TBC1D30: variants seen among roughly 807,000 people sequenced by gnomAD.
TBC1D30 encodes TBC1 domain family member 30.
TBC1D30 carries 31 observed loss-of-function variants against 63.2 expected under a neutral mutation model. The observed-to-expected ratio is 0.49, with a 90% CI of 0.37 to 0.66. TBC1D30 has a LOEUF of 0.66. Among genes scored for constraint, TBC1D30 ranks in the 30% least tolerant of loss-of-function variants. The pLI is 0.00. For synonymous variants in TBC1D30, 307 were observed against 361.5 expected, an observed-to-expected ratio of 0.85 and a Z score of 1.71; for missense variants, 810 against 953.6, an observed-to-expected ratio of 0.85 and a Z score of 1.98.
At chr12:64,860,352 G>T (rs1041168858) in intron 8 of TBC1D30, among the ~76,000 whole-genome samples, 1 of 151,958 alleles carries the variant, frequency 6.6e-6, no homozygotes, top group Admixed American at 6.6e-5. Flanking sequence ...ATGGAATTTT[G>T]CCATGTTTCC....
Position 64,874,115 on chromosome 12 carries a change from G to A in TBC1D30, c.1499-886G>A, listed in dbSNP as rs369976880. Among the ~76,000 whole-genome samples, 204 of 152,306 alleles carry A rather than the reference G, an allele frequency of 1.3e-3. 1 individual carries two copies. The highest frequency in any genetic ancestry group is 4.6e-3 in the African/African-American group (192 of 41,554). On this transcript the variant is annotated intron_variant, in intron 11 of 11. Coordinates refer to ENST00000539867, the MANE Select transcript of TBC1D30 (RefSeq NM_015279.2). ...TTTTGTTCGTTTGTTTTGAGAAGGA[G>A]TCTCACTGTATTGCCCAGGCTGGAA...
upstream of TBC1D30, among the ~76,000 whole-genome samples, chr12:64,820,792 A>C (rs1440567007): frequency 6.6e-6 from 1 of 152,238 alleles, no homozygotes; most frequent in Non-Finnish European, 1.5e-5. Context: ...TCAACATAAT[A>C]CTAGGCTTGG....
chr12:64,862,966 C>G (rs1877917202), intron 8 of TBC1D30, among the ~76,000 whole-genome samples: 1 of 152,160 alleles, frequency 6.6e-6, no homozygotes, highest in African/African-American at 2.4e-5. Flanking sequence ...GATTTCACAT[C>G]TCTTGCCTTC....
intron 9 of TBC1D30, 45 bp downstream of exon 9, chr12:64,864,825 A>G: frequency 7.8e-7 from 1 of 1,288,884 alleles, no homozygotes; most frequent in Non-Finnish European, 1.1e-6. Flanking sequence ...GGAGGACTTA[A>G]TATCTTAATT....
chr12:64,845,945 T>C (rs577737943), intron 8 of TBC1D30, among the ~76,000 whole-genome samples: 18 of 152,314 alleles, frequency 1.2e-4, no homozygotes, highest in African/African-American at 4.3e-4. Context: ...ATTATAGGCG[T>C]GAGCCACCGT....
At position 64,864,693 on chromosome 12, in the gene TBC1D30, C is replaced by T. The variant is rs1229153313; in HGVS notation, c.1064C>T (p.Pro355Leu). 2.0e-6 allele frequency: 3 copies of T among 1,536,392 alleles called. No homozygotes were observed. In the African/African-American group the frequency reaches 4.1e-5, roughly 21 times the overall value. Reference sequence around the variant, plus strand: ...ACTGTTTATTCCATGGCTCCGTTCCCTTTCCCACAATTGGCAGAGTTGAGG... The same window carrying T: ...ACTGTTTATTCCATGGCTCCGTTCCTTTTCCCACAATTGGCAGAGTTGAGG... ...MQTVYSMAPF[P>L]FPQLAELREK... The change falls in exon 9 of 12, where the codon CCT (proline) becomes CTT (leucine). Residue 355 changes from proline (P) to leucine (L), a missense_variant. Coordinates refer to ENST00000539867, the MANE Select transcript of TBC1D30 (RefSeq NM_015279.2).
At chr12:64,860,388 T>C (rs997069024) in intron 8 of TBC1D30, among the ~76,000 whole-genome samples, 2 of 152,178 alleles carry the variant, frequency 1.3e-5, no homozygotes. Context: ...CTCCTGGGCC[T>C]CAGGCGAGGC....
chr12:64,771,427 A>G (rs1461668972), intron 1 of TBC1D30, among the ~76,000 whole-genome samples: 1 of 152,110 alleles, frequency 6.6e-6, no homozygotes, highest in Non-Finnish European at 1.5e-5. Context: ...GTTCTCCTGG[A>G]TCTACCAAGT....
Position 64,875,607 on chromosome 12 carries a change from G to A in TBC1D30, c.2105G>A (p.Ser702Asn). 6.5e-7 allele frequency: 1 copy of A among 1,536,234 alleles called. No individual in the cohort carries two copies. Among genetic ancestry groups the A allele is most frequent in the South Asian group, 1.2e-5 (1 of 84,060 alleles). ...GCCACCAGCAAAGCTCCCCAAGGCA[G>A]CAACTCAAAAACCCCCATCTTTAGC... The part of the protein sequence containing the change: ...NKATSKAPQG[S>N]NSKTPIFSPF... Residue 702 changes from serine to asparagine, a missense_variant, in exon 12 of 12, where the codon AGC (serine) becomes AAC (asparagine). Ser to Asn is a conservative substitution (Grantham distance 46). Around this residue, in one of 4 missense-constraint regions of TBC1D30, gnomAD observed 450 missense variants for 473.0 expected, o/e 0.95. Coordinates refer to ENST00000539867, the MANE Select transcript of TBC1D30 (RefSeq NM_015279.2).
intron 2 of TBC1D30, among the ~76,000 whole-genome samples, chr12:64,797,494 C>A (rs1207461675): frequency 6.6e-6 from 1 of 152,192 alleles, no homozygotes; most frequent in African/African-American, 2.4e-5. Context: ...CAAGTCTCTG[C>A]ACATTCTGTC....
chr12:64,809,706 T>G (rs1310698233), intron 2 of TBC1D30, among the ~76,000 whole-genome samples: 1 of 152,224 alleles, frequency 6.6e-6, no homozygotes, highest in Non-Finnish European at 1.5e-5. Flanking sequence ...TCATCTTGAT[T>G]TGTTTTTCTT....
chr12:64,760,789 A>C (rs1408105411), intron 1 of TBC1D30, among the ~76,000 whole-genome samples: 1 of 151,970 alleles, frequency 6.6e-6, no homozygotes, highest in Non-Finnish European at 1.5e-5. Flanking sequence ...TAATGATGGA[A>C]ACACGTTGAA....
upstream of TBC1D30, among the ~76,000 whole-genome samples, chr12:64,822,553 A>G (rs533412630): frequency 3.3e-5 from 5 of 152,144 alleles, no homozygotes; most frequent in East Asian, 9.7e-4. Flanking sequence ...GCTGGAGTAC[A>G]GTGGTGCGAT....
chr12:64,789,174 T>C (rs1056596079), intron 2 of TBC1D30, among the ~76,000 whole-genome samples: 17 of 141,514 alleles, frequency 1.2e-4, no homozygotes, highest in South Asian at 2.2e-4. Context: ...TCTTCTTCCT[T>C]CTTCTTCTTC....
chr12:64,775,709 TAGAC>T (rs1347825632), upstream of TBC1D30, among the ~76,000 whole-genome samples: 4 of 152,102 alleles, frequency 2.6e-5, no homozygotes, highest in Non-Finnish European at 5.9e-5. Context: ...CTGACAATAT[TAGAC>T]AGATCATCAA....
intron 9 of TBC1D30, among the ~76,000 whole-genome samples, chr12:64,866,493 C>T (rs1462466839): frequency 2.0e-5 from 3 of 151,714 alleles, no homozygotes; most frequent in Non-Finnish European, 2.9e-5. Flanking sequence ...GGCTGGAATG[C>T]AGTGACGTGA....
chr12:64,818,425 A>C, intron 2 of TBC1D30: 1 of 983,468 alleles, frequency 1.0e-6, no homozygotes, highest in Non-Finnish European at 1.2e-6. Context: ...CTACTCACTC[A>C]GTAAACTGTA....
chr12:64,809,825 G>C (rs945913172), intron 2 of TBC1D30, among the ~76,000 whole-genome samples: 2 of 152,074 alleles, frequency 1.3e-5, no homozygotes, highest in Non-Finnish European at 2.9e-5. Flanking sequence ...TGGATCAAAA[G>C]CTAAAGCATC....
Position 64,875,763 on chromosome 12 carries a change from G to C in TBC1D30, c.2261G>C (p.Gly754Ala). The C allele has an allele frequency of 5.2e-6, 8 of 1,531,764 alleles. No homozygotes were observed. The highest frequency in any genetic ancestry group is 6.1e-6 in the Non-Finnish European group (7 of 1,145,072). 94.9% of individuals were successfully genotyped at this position (1,531,764 alleles called of 1,614,324 possible). ...AGGAGCTTCAGCAAACCCGGCGGTG[G>C]AAACAGTGGCACTAAAAAACGATGA... ...MSRSFSKPGG[G>A]NSGTKKR The change falls in exon 12 of 12, where the codon GGA (glycine) becomes GCA (alanine). Residue 754 changes from glycine to alanine, a missense_variant. This residue lies in a region of TBC1D30 where 450 missense variants were observed against 473.0 expected (regional missense o/e 0.95). Transcript: ENST00000539867.
Sources: allele counts gnomAD v4.1 joint callset (sites outside exome capture counted in the v4.1 genomes callset), GRCh38; gene constraint gnomAD v4.1.1; regional missense constraint gnomAD v4.1.1; transcripts MANE v1.5; gene names NCBI Gene and HGNC (gene_info 2026-07-23, HGNC 2026-07-21).